Variants in TXLNB observed in about 807,000 individuals in gnomAD.
TXLNB encodes the protein beta-taxilin.
TXLNB carries 37 observed loss-of-function variants against 57.4 expected under a neutral mutation model. The ratio of observed to expected loss-of-function variants is 0.64; its 90% CI spans 0.50 to 0.85. TXLNB has a LOEUF of 0.85. Ranked by LOEUF, TXLNB falls within the 40% of genes least tolerant of loss-of-function variation. TXLNB has a pLI of 0.00. For missense variants in TXLNB, 848 were observed against 825.6 expected (o/e 1.03, Z -0.33); for synonymous variants, 302 against 309.6 (o/e 0.98, Z 0.26).
chr6:139,222,342 A>G, the TXLNB span, among the ~76,000 whole-genome samples: 1 of 152,236 alleles, frequency 6.6e-6, no homozygotes, highest in African/African-American at 2.4e-5. Context: ...TGTTTATATA[A>G]GCTCATACTT....
Position 139,242,783 on chromosome 6 carries a change from C to G in TXLNB, c.1798G>C (p.Asp600His), listed in dbSNP as rs772411062. The G allele has an allele frequency of 1.2e-5, 19 of 1,614,154 alleles. No individual in the cohort carries two copies. Among genetic ancestry groups the G allele is most frequent in the Non-Finnish European group, 1.5e-5 (18 of 1,180,030 alleles). The change falls in exon 10 of 10, where the codon GAT becomes CAT. Residue 600 changes from aspartate (D) to histidine (H), a missense_variant. Coordinates refer to ENST00000358430, the MANE Select transcript of TXLNB (RefSeq NM_153235.4). ...GCCTCTGGCTTCCAGGACGCCTGATCAGCCTGTGCTCCAACAGGGAGACCC... is the reference window on the plus strand; with the variant it reads ...GCCTCTGGCTTCCAGGACGCCTGATGAGCCTGTGCTCCAACAGGGAGACCC... ...CEGLPVGAQADQASWKPEAEA... is the reference protein window; with the variant it reads ...CEGLPVGAQAHQASWKPEAEA...
chr6:139,248,251 C>T (rs1460348859), intron 7 of TXLNB, among the ~76,000 whole-genome samples: 5 of 147,266 alleles, frequency 3.4e-5, no homozygotes, highest in Admixed American at 6.9e-5. Flanking sequence ...CCAGCCTGGG[C>T]GACAGAGCGA....
chr6:139,202,701 T>G, the TXLNB span, among the ~76,000 whole-genome samples: 1 of 152,266 alleles, frequency 6.6e-6, no homozygotes, highest in Non-Finnish European at 1.5e-5. Flanking sequence ...TATCATTTTT[T>G]GTGTTAGAAA....
chr6:139,250,981 A>G (rs973161849), intron 7 of TXLNB, among the ~76,000 whole-genome samples: 3 of 152,216 alleles, frequency 2.0e-5, no homozygotes, highest in Non-Finnish European at 4.4e-5. Context: ...TAAAAAAGAA[A>G]AAGGCAGAAT....
At chr6:139,209,330 T>C in the TXLNB span, among the ~76,000 whole-genome samples, 5 of 152,210 alleles carry the variant, frequency 3.3e-5, no homozygotes, top group African/African-American at 4.8e-5. Context: ...CCCATGTTCA[T>C]GGATGGGTAG....
chr6:139,272,626 A>C (rs761361470), intron 3 of TXLNB, among the ~76,000 whole-genome samples: 1 of 152,256 alleles, frequency 6.6e-6, no homozygotes, highest in Non-Finnish European at 1.5e-5. Context: ...TCTCATGCTA[A>C]GCTGCTCATA....
chr6:139,255,161 A>C (rs1359815374), intron 7 of TXLNB, among the ~76,000 whole-genome samples: 2 of 152,136 alleles, frequency 1.3e-5, no homozygotes, highest in Non-Finnish European at 2.9e-5. Context: ...AGACATGAGG[A>C]CATCTTAAGA....
At chr6:139,178,276 G>A in the TXLNB span, 1 of 152,154 alleles carries the variant, frequency 6.6e-6, no homozygotes, top group African/African-American at 2.4e-5. Context: ...ATTAGTCAGA[G>A]CATTGGGCAT....
the TXLNB span, among the ~76,000 whole-genome samples, chr6:139,216,135 A>G: frequency 1.3e-5 from 2 of 152,156 alleles, no homozygotes; most frequent in Non-Finnish European, 2.9e-5. Context: ...TATATACCCA[A>G]AGGATTATAA....
At chr6:139,263,015 T>C (rs1254415379) in intron 4 of TXLNB, among the ~76,000 whole-genome samples, 2 of 152,220 alleles carry the variant, frequency 1.3e-5, no homozygotes, top group African/African-American at 4.8e-5. Flanking sequence ...AATAGACTTG[T>C]TTTAAAGATG....
chr6:139,166,950 G>A, the TXLNB span: 2 of 1,614,122 alleles, frequency 1.2e-6, no homozygotes. Flanking sequence ...GCCATGGCTG[G>A]GGGCCATGTG....
At chr6:139,317,213 T>C in the TXLNB span, among the ~76,000 whole-genome samples, 1 of 152,008 alleles carries the variant, frequency 6.6e-6, no homozygotes, top group Non-Finnish European at 1.5e-5. Flanking sequence ...GTGTAGCTTC[T>C]CTGTCTTTTA....
chr6:139,233,536 G>T, the TXLNB span, among the ~76,000 whole-genome samples: 1 of 151,734 alleles, frequency 6.6e-6, no homozygotes, highest in Non-Finnish European at 1.5e-5. Context: ...TCCTGGACTT[G>T]GTGAGTCTCA....
At chr6:139,190,961 A>C in the TXLNB span, among the ~76,000 whole-genome samples, 3 of 152,208 alleles carry the variant, frequency 2.0e-5, no homozygotes, top group Admixed American at 2.0e-4. Context: ...CAGAAAAAGA[A>C]GACACCTTAA....
At chr6:139,247,455 T>G (rs890706710) in intron 8 of TXLNB, among the ~76,000 whole-genome samples, 8 of 151,796 alleles carry the variant, frequency 5.3e-5, no homozygotes, top group Admixed American at 1.3e-4. Context: ...TTTTTGTTTT[T>G]TTTTTTTTAA....
rs1269471225 is a variant in TXLNB, at chr6:139,276,761, T to C, written c.516+69A>G. On this transcript the variant is annotated intron_variant, in intron 3 of 9. Coordinates refer to ENST00000358430, the MANE Select transcript of TXLNB (RefSeq NM_153235.4). ...CATTCTCGGATTGGCAGGTGTTTGT[T>C]GTTCCTTGAAGCTAGAGGCACTGGG... The C allele has an allele frequency of 3.4e-6, 4 of 1,191,860 alleles. No homozygotes were observed. In the African/African-American group the frequency reaches 6.1e-5, roughly 18 times the overall value. The allele number at this position is 1,191,860 out of a possible 1,614,324, so 73.8% of individuals were successfully genotyped here. A position where few individuals can be genotyped will look rare whatever the true frequency, so the allele number is the denominator to read the frequency against.
At chr6:139,277,436 C>G (rs1776928258) in intron 2 of TXLNB, among the ~76,000 whole-genome samples, 1 of 152,034 alleles carries the variant, frequency 6.6e-6, no homozygotes, top group South Asian at 2.1e-4. Context: ...GTTTTTTGTT[C>G]TTTTGGTACT....
At chr6:139,251,086 G>A (rs578129552) in intron 7 of TXLNB, among the ~76,000 whole-genome samples, 2 of 152,304 alleles carry the variant, frequency 1.3e-5, no homozygotes, top group South Asian at 4.1e-4. Context: ...GACACACCCA[G>A]AGTTCTGAGA....
chr6:139,198,985 T>TTTA, the TXLNB span, among the ~76,000 whole-genome samples: 1 of 151,358 alleles, frequency 6.6e-6, no homozygotes, highest in African/African-American at 2.4e-5. Context: ...TTTTTTTTTT[T>TTTA]AAATCATCCA....
Sources: allele counts gnomAD v4.1 joint callset (sites outside exome capture counted in the v4.1 genomes callset), GRCh38; gene constraint gnomAD v4.1.1; transcripts MANE v1.5; gene names NCBI Gene and HGNC (gene_info 2026-07-23, HGNC 2026-07-21).